SIGLEC7: variants seen among roughly 807,000 people sequenced by gnomAD.
The protein encoded by SIGLEC7 is sialic acid-binding Ig-like lectin 7.
Under a neutral mutation model 40.8 loss-of-function variants are expected in SIGLEC7, and 33 were observed. The ratio of observed to expected loss-of-function variants is 0.81; its 90% CI spans 0.61 to 1.08. The LOEUF is 1.08. Among genes scored for constraint, SIGLEC7 ranks in the 50% least tolerant of loss-of-function variants. SIGLEC7 has a pLI of 0.00. For synonymous variants in SIGLEC7, 242 were observed against 237.6 expected (o/e 1.02, Z -0.17); for missense variants, 513 against 576.1 (o/e 0.89, Z 1.12).
rs1031383103 is a variant in SIGLEC7, at chr19:51,142,528, C to T, written c.159C>T (p.Asp53=). 7 of 1,614,056 alleles carry T rather than the reference C, an allele frequency of 4.3e-6. No homozygotes were observed. Among genetic ancestry groups the T allele is most frequent in the Non-Finnish European group, 5.9e-6 (7 of 1,180,034 alleles). ...GCTGCTCCTTCTCCTACCCAGTGGA[C>T]AGCCAGACTGACTCTGACCCAGTTC... is the stretch of plus-strand genomic sequence containing the variant. ...HVRCSFSYPV[D]SQTDSDPVHG... is the part of the protein sequence containing the mutation. The change falls in exon 1 of 7, where the codon GAC becomes GAT. Residue 53 remains aspartate, a synonymous_variant. Transcript: ENST00000317643. This position sits in a 1 kb window ranked among gnomAD's most constrained non-coding sequence, Gnocchi z 5.0.
rs757223011 is a variant in SIGLEC7, at chr19:51,144,935, A to G, written c.736A>G (p.Thr246Ala). The G allele has an allele frequency of 1.2e-6, 2 of 1,613,892 alleles. No individual in the cohort carries two copies. Among genetic ancestry groups the G allele is most frequent in the East Asian group, 2.2e-5 (1 of 44,880 alleles). ...AGACCCTCCTCAGAACTTGACTGTGACTGTCTTCCAAGGAGAAGGCACAGG... is the reference window on the plus strand; with the variant it reads ...AGACCCTCCTCAGAACTTGACTGTGGCTGTCTTCCAAGGAGAAGGCACAGG... ...VSYPPQNLTV[T>A]VFQGEGTAST... Residue 246 changes from threonine to alanine, a missense_variant, in exon 3 of 7, where the codon ACT (threonine) becomes GCT (alanine). By Grantham distance (58) the Thr-to-Ala change is moderately conservative. Coordinates refer to ENST00000317643, the MANE Select transcript of SIGLEC7 (RefSeq NM_014385.4).
intron 1 of SIGLEC7, chr19:51,144,058 C>T: frequency 1.2e-5 from 7 of 605,176 alleles, no homozygotes; most frequent in Non-Finnish European, 2.2e-5. Context: ...GCCGATTCCA[C>T]CTCCTTGGGG....
rs373735842 is a variant in SIGLEC7 at position 51,144,580 on chromosome 19, C to A, written c.608C>A (p.Thr203Asn). 22 of 1,613,758 alleles carry A rather than the reference C, an allele frequency of 1.4e-5. No homozygotes were observed. In the African/African-American group the frequency reaches 2.4e-4, roughly 18 times the overall value. Residue 203 changes from threonine (T) to asparagine (N), a missense_variant, in exon 2 of 7, where the codon ACC (threonine) becomes AAC (asparagine). Coordinates refer to ENST00000317643, the MANE Select transcript of SIGLEC7 (RefSeq NM_014385.4). ...TCCACCACCCGCTCCTCAGTGCTCACCCTCATCCCACAGCCCCAGCACCAC... is the reference window on the plus strand; with the variant it reads ...TCCACCACCCGCTCCTCAGTGCTCAACCTCATCCCACAGCCCCAGCACCAC... ...HPSTTRSSVL[T>N]LIPQPQHHGT...
chr19:51,142,877 T>C lies in SIGLEC7; in HGVS notation c.433+75T>C. 1 of 1,458,038 alleles carries C rather than the reference T, an allele frequency of 6.9e-7. No individual in the cohort carries two copies. Among genetic ancestry groups the C allele is most frequent in the Non-Finnish European group, 9.3e-7 (1 of 1,074,498 alleles). 90.3% of individuals were successfully genotyped at this position (1,458,038 alleles called of 1,614,324 possible). On this transcript the variant is annotated intron_variant, in intron 1 of 6. Coordinates refer to ENST00000317643, the MANE Select transcript of SIGLEC7 (RefSeq NM_014385.4). This position sits in a 1 kb window ranked among gnomAD's most constrained non-coding sequence, Gnocchi z 5.0. Reference sequence around the variant, plus strand: ...TAGGGCACGGCTGAGACGGGACACATGTCCTGGGAGGGGGCCGGGGGTGAT... The same window carrying C: ...TAGGGCACGGCTGAGACGGGACACACGTCCTGGGAGGGGGCCGGGGGTGAT...
chr19:51,151,307 A>G (rs550781870), intron 6 of SIGLEC7, among the ~76,000 whole-genome samples: 2 of 152,358 alleles, frequency 1.3e-5, no homozygotes, highest in Non-Finnish European at 1.5e-5. Context: ...GGTGCCAATC[A>G]TTGAGGCTGA....
rs772931896 is a variant in SIGLEC7, at chr19:51,144,458, C to T, written c.486C>T (p.Cys162=). 1 of 1,613,460 alleles carries T rather than the reference C, an allele frequency of 6.2e-7. No individual in the cohort carries two copies. The highest frequency in any genetic ancestry group is 2.2e-5 in the East Asian group (1 of 44,874). The part of the protein sequence containing the change: ...ILIPGTLESG[C]FQNLTCSVPW... The stretch of plus-strand genomic sequence containing the variant: ...TCCCCGGTACCCTGGAGTCTGGCTG[C>T]TTCCAGAATCTGACCTGCTCTGTGC... The change falls in exon 2 of 7, where the codon TGC becomes TGT. Residue 162 remains cysteine (C), a synonymous_variant. Coordinates refer to ENST00000317643, the MANE Select transcript of SIGLEC7 (RefSeq NM_014385.4).
chr19:51,144,355 G>A, intron 1 of SIGLEC7, 51 bp from the exon 2 acceptor site: 3 of 1,557,096 alleles, frequency 1.9e-6, no homozygotes, highest in African/African-American at 1.4e-5. Flanking sequence ...TTCCCCCAGG[G>A]CTGTACCATG....
intron 6 of SIGLEC7, among the ~76,000 whole-genome samples, chr19:51,147,855 G>A (rs1485418206): frequency 6.6e-6 from 1 of 152,168 alleles, no homozygotes; most frequent in Non-Finnish European, 1.5e-5. Flanking sequence ...TTGGCTTTCT[G>A]GCCTACACAG....
chr19:51,148,068 T>C (rs748920718), intron 6 of SIGLEC7, among the ~76,000 whole-genome samples: 2 of 152,158 alleles, frequency 1.3e-5, no homozygotes, highest in Admixed American at 1.3e-4. Context: ...CACATTCTCG[T>C]CTCTTAAACA....
At position 51,145,441 on chromosome 19, in the gene SIGLEC7, A is replaced by C. The variant is rs1267503676; in HGVS notation, c.761-414A>C. On this transcript the variant is annotated intron_variant, in intron 3 of 6. Transcript: ENST00000317643. This position sits in a 1 kb window ranked among gnomAD's most constrained non-coding sequence, Gnocchi z 4.3. The stretch of plus-strand genomic sequence containing the variant: ...ATCTCAGAGGTGGTTTGATGTCAGC[A>C]GTGAGACTGTTTGCACCCTCTTCTA... 6.6e-6 allele frequency among the ~76,000 whole-genome samples: 1 copy of C among 152,204 alleles called. No homozygotes were observed.
intron 6 of SIGLEC7, among the ~76,000 whole-genome samples, chr19:51,149,821 T>C (rs1205668825): frequency 1.3e-5 from 2 of 152,220 alleles, no homozygotes. Context: ...CTTTGATTTA[T>C]TTGAGCAGTG....
intron 6 of SIGLEC7, among the ~76,000 whole-genome samples, chr19:51,148,851 A>AC (rs1555798769): frequency 6.6e-6 from 1 of 151,848 alleles, no homozygotes; most frequent in Non-Finnish European, 1.5e-5. Flanking sequence ...AGCCTCTGTG[A>AC]TTTTTTTTAC....
In SIGLEC7 at chr19:51,144,490, C is replaced by T; in HGVS notation, c.518C>T (p.Ala173Val). The T allele has an allele frequency of 6.2e-7, 1 of 1,613,818 alleles. No individual in the cohort carries two copies. The highest frequency in any genetic ancestry group is 8.5e-7 in the Non-Finnish European group (1 of 1,179,998). ...FQNLTCSVPW[A>V]CEQGTPPMIS... Reference sequence around the variant, plus strand: ...AATCTGACCTGCTCTGTGCCCTGGGCCTGTGAGCAGGGGACGCCCCCTATG... The same window carrying T: ...AATCTGACCTGCTCTGTGCCCTGGGTCTGTGAGCAGGGGACGCCCCCTATG... The change falls in exon 2 of 7, where the codon GCC (alanine) becomes GTC (valine). Residue 173 changes from alanine to valine, a missense_variant. Ala to Val is a moderately conservative substitution (Grantham distance 64). Coordinates refer to ENST00000317643, the MANE Select transcript of SIGLEC7 (RefSeq NM_014385.4).
chr19:51,146,938 G>A (rs554918884), intron 5 of SIGLEC7, 88 bp downstream of exon 5: 3 of 1,343,762 alleles, frequency 2.2e-6, no homozygotes, highest in South Asian at 1.3e-5. Flanking sequence ...GGAAGGGACT[G>A]CATGGGTCAA....
chr19:51,152,002 T>C (rs970594701), intron 6 of SIGLEC7, among the ~76,000 whole-genome samples: 3 of 152,098 alleles, frequency 2.0e-5, no homozygotes, highest in Non-Finnish European at 4.4e-5. Flanking sequence ...CTGTGACAAA[T>C]TACCATGCAT....
chr19:51,142,791 T>C lies in SIGLEC7; in HGVS notation c.422T>C (p.Val141Ala). 6.3e-7 allele frequency: 1 copy of C among 1,591,598 alleles called. No homozygotes were observed. Reference protein sequence around the residue: ...KWNYKYDQLSVNVTALTHRPN... With the variant: ...KWNYKYDQLSANVTALTHRPN... ...AATTATAAATATGACCAGCTCTCTG[T>C]GAACGTGACAGGTAAGGCACGGGCT... Residue 141 changes from valine to alanine, a missense_variant, in exon 1 of 7, where the codon GTG (valine) becomes GCG (alanine). Val to Ala is a moderately conservative substitution (Grantham distance 64). Transcript: ENST00000317643. This position sits in a 1 kb window ranked among gnomAD's most constrained non-coding sequence, Gnocchi z 5.0.
At position 51,142,425 on chromosome 19, in the gene SIGLEC7, A is replaced by G; in HGVS notation, c.56A>G (p.Gln19Arg). ...LLWGRERVEG[Q>R]KSNRKDYSLT... ...TGGGGGAGGGAGAGGGTGGAAGGAC[A>G]GAAGAGTAACCGGAAGGATTACTCG... The change falls in exon 1 of 7, where the codon CAG (glutamine) becomes CGG (arginine). Residue 19 changes from glutamine to arginine, a missense_variant. Transcript: ENST00000317643. The surrounding 1 kb of genome is among the most constrained non-coding windows in gnomAD (Gnocchi z 5.0). 1.2e-6 allele frequency: 2 copies of G among 1,614,136 alleles called. 1 individual carries two copies. Among genetic ancestry groups the G allele is most frequent in the South Asian group, 2.2e-5 (2 of 91,082 alleles).
Position 51,145,918 on chromosome 19 carries a change from T to C in SIGLEC7, c.824T>C (p.Val275Ala), listed in dbSNP as rs377526631. Residue 275 changes from valine to alanine, a missense_variant, in exon 4 of 7, where the codon GTC becomes GCC. Coordinates refer to ENST00000317643, the MANE Select transcript of SIGLEC7 (RefSeq NM_014385.4). The surrounding 1 kb of genome is among the most constrained non-coding windows in gnomAD (Gnocchi z 4.3). Reference sequence around the variant, plus strand: ...CTAGAGGGCCAGTCTCTGCGCTTGGTCTGTGCTGTTGACAGCAATCCCCCT... The same window carrying C: ...CTAGAGGGCCAGTCTCTGCGCTTGGCCTGTGCTGTTGACAGCAATCCCCCT... ...SVLEGQSLRL[V>A]CAVDSNPPAR... The C allele has an allele frequency of 5.6e-6, 9 of 1,614,192 alleles. No homozygotes were observed. The highest frequency in any genetic ancestry group is 5.9e-6 in the Non-Finnish European group (7 of 1,180,032).
chr19:51,150,262 A>C (rs2092135358), intron 6 of SIGLEC7, among the ~76,000 whole-genome samples: 1 of 152,160 alleles, frequency 6.6e-6, no homozygotes, highest in South Asian at 2.1e-4. Context: ...TCCATATTCA[A>C]TATGATGTTG....
Sources: allele counts gnomAD v4.1 joint callset (sites outside exome capture counted in the v4.1 genomes callset), GRCh38; gene constraint gnomAD v4.1.1; non-coding constraint Gnocchi (gnomAD v3.1); transcripts MANE v1.5; gene names NCBI Gene and HGNC (gene_info 2026-07-23, HGNC 2026-07-21).